Variants in GABBR2 observed in about 807,000 individuals in gnomAD.
GABBR2 encodes gamma-aminobutyric acid type B receptor subunit 2, also known as G-protein coupled receptor 51.
In GABBR2, 23 loss-of-function variants were observed where a neutral mutation model predicts 105.6. The ratio of observed to expected loss-of-function variants is 0.22; its 90% CI spans 0.16 to 0.31. The LOEUF (loss-of-function observed/expected upper bound fraction) is 0.31, where lower values mean the gene tolerates loss of function less well. Among genes scored for constraint, GABBR2 ranks in the 10% least tolerant of loss-of-function variants. The pLI is 1.00. For synonymous variants in GABBR2, 478 were observed against 499.7 expected (o/e 0.96, Z 0.58); for missense variants, 734 against 1,245.5 (o/e 0.59, Z 6.18).
chr9:98,699,850 G>A (rs1830805334), intron 1 of GABBR2, among the ~76,000 whole-genome samples: 1 of 152,204 alleles, frequency 6.6e-6, no homozygotes, highest in South Asian at 2.1e-4. Context: ...GCCTCACTGT[G>A]CACTGTTACA....
chr9:98,580,350 G>A (rs1262248085), intron 1 of GABBR2, among the ~76,000 whole-genome samples: 1 of 151,876 alleles, frequency 6.6e-6, no homozygotes, highest in Non-Finnish European at 1.5e-5. Context: ...AAAATTATCT[G>A]AAATCATCTT....
chr9:98,541,146 A>G (rs1828296253), intron 3 of GABBR2, among the ~76,000 whole-genome samples: 1 of 152,216 alleles, frequency 6.6e-6, no homozygotes, highest in Non-Finnish European at 1.5e-5. Context: ...CCTTTAAACC[A>G]TGAGGTTAAT....
intron 1 of GABBR2, among the ~76,000 whole-genome samples, chr9:98,579,689 A>C (rs1197367184): frequency 6.6e-6 from 1 of 152,222 alleles, no homozygotes; most frequent in Non-Finnish European, 1.5e-5. Context: ...TAATAAGGAG[A>C]TCTGCAGGAT....
chr9:98,309,278 GACA>G (rs1162141965), intron 14 of GABBR2, among the ~76,000 whole-genome samples: 5 of 152,208 alleles, frequency 3.3e-5, no homozygotes, highest in Admixed American at 3.3e-4. Flanking sequence ...GGTGGGAGAA[GACA>G]ATGAATGATC....
intron 7 of GABBR2, among the ~76,000 whole-genome samples, chr9:98,432,098 G>A (rs1460171720): frequency 2.0e-5 from 3 of 152,172 alleles, no homozygotes; most frequent in Non-Finnish European, 4.4e-5. Flanking sequence ...GTTTCACCAT[G>A]TTGGCCAGGC....
At chr9:98,332,709 C>T (rs535546377) in intron 13 of GABBR2, among the ~76,000 whole-genome samples, 16 of 152,312 alleles carry the variant, frequency 1.1e-4, no homozygotes, top group African/African-American at 3.8e-4. Context: ...TATGAACATG[C>T]AATCTCTCGT....
chr9:98,556,794 C>A (rs1325656939), intron 2 of GABBR2, among the ~76,000 whole-genome samples: 1 of 152,160 alleles, frequency 6.6e-6, no homozygotes, highest in African/African-American at 2.4e-5. Context: ...GCCTGAATCC[C>A]AGCACTTTGG....
chr9:98,330,232 G>A (rs1212039601), intron 13 of GABBR2, among the ~76,000 whole-genome samples: 1 of 152,074 alleles, frequency 6.6e-6, no homozygotes, highest in Non-Finnish European at 1.5e-5. Flanking sequence ...CTGGAATATC[G>A]ACTCCTTGAG....
In GABBR2 at chr9:98,359,191, G is replaced by T. The variant is rs1389437216; in HGVS notation, c.1893+3524C>A. Among the ~76,000 whole-genome samples, 3 of 152,296 alleles carry T rather than the reference G, an allele frequency of 2.0e-5. No individual in the cohort carries two copies. The South Asian group carries it at 6.2e-4, about 32-fold the overall frequency. On this transcript the variant is annotated intron_variant, in intron 13 of 18. Transcript: ENST00000259455. Reference sequence around the variant, plus strand: ...ACCTATAATCCCAGCACTTTGGGAGGCTGAGGCAGGTGGATCAATTGAGGC... The same window carrying T: ...ACCTATAATCCCAGCACTTTGGGAGTCTGAGGCAGGTGGATCAATTGAGGC...
intron 11 of GABBR2, among the ~76,000 whole-genome samples, chr9:98,380,347 T>G (rs1227589234): frequency 6.6e-6 from 1 of 152,240 alleles, no homozygotes; most frequent in Non-Finnish European, 1.5e-5. Context: ...CTCCTCATCC[T>G]GTCTGCAAAG....
At chr9:98,655,753 G>A (rs906184553) in intron 1 of GABBR2, among the ~76,000 whole-genome samples, 4 of 152,066 alleles carry the variant, frequency 2.6e-5, no homozygotes, top group African/African-American at 4.8e-5. Context: ...ACCAAACACC[G>A]CACGTTCTCA....
In GABBR2 at chr9:98,290,740, A is replaced by G. The variant is rs138830482; in HGVS notation, c.2670T>C (p.Arg890=). ...EDINSPEHIQ[R]RLSLQLPILH... ...GGATGGGGAGCTGGAGGGACAGCCGACGCTGGATGCTGAAGAGAAGGAGAG... is the reference window on the plus strand; with the variant it reads ...GGATGGGGAGCTGGAGGGACAGCCGGCGCTGGATGCTGAAGAGAAGGAGAG... The change falls in exon 19 of 19, where the codon CGT becomes CGC. Residue 890 remains arginine (R), a synonymous_variant. Coordinates refer to ENST00000259455, the MANE Select transcript of GABBR2 (RefSeq NM_005458.8). The G allele has an allele frequency of 6.1e-6, 9 of 1,484,900 alleles. No homozygotes were observed. Among genetic ancestry groups the G allele is most frequent in the Non-Finnish European group, 7.1e-6 (8 of 1,128,666 alleles). 92.0% of individuals were successfully genotyped at this position (1,484,900 alleles called of 1,614,324 possible).
rs181903147 is a variant in GABBR2 at position 98,380,834 on chromosome 9, T to C, written c.1662+4806A>G. 1.1e-4 allele frequency among the ~76,000 whole-genome samples: 16 copies of C among 152,280 alleles called. No homozygotes were observed. The East Asian group carries it at 3.1e-3, about 29-fold the overall frequency. ...CTCGTCCGAGCAGAGGTGTAGCCCC[T>C]AGAGAGGCCTAATCTTGTGACTGTC... On this transcript the variant is annotated intron_variant, in intron 11 of 18. Transcript: ENST00000259455.
chr9:98,323,516 G>A (rs1366159220), intron 13 of GABBR2, among the ~76,000 whole-genome samples: 1 of 152,210 alleles, frequency 6.6e-6, no homozygotes, highest in African/African-American at 2.4e-5. Context: ...TCTGGCCAAG[G>A]AGCCTCTCTG....
At chr9:98,507,234 T>C (rs1564096696) in intron 3 of GABBR2, among the ~76,000 whole-genome samples, 1 of 152,198 alleles carries the variant, frequency 6.6e-6, no homozygotes, top group Non-Finnish European at 1.5e-5. Context: ...AAGGGGACTT[T>C]GCAGACAGGA....
intron 1 of GABBR2, among the ~76,000 whole-genome samples, chr9:98,583,794 G>A (rs1829034177): frequency 6.6e-6 from 1 of 152,208 alleles, no homozygotes; most frequent in East Asian, 1.9e-4. Flanking sequence ...TTCCAGCTCA[G>A]GTGAAAGTCA....
At chr9:98,467,107 G>T (rs1455832382) in intron 6 of GABBR2, among the ~76,000 whole-genome samples, 1 of 152,180 alleles carries the variant, frequency 6.6e-6, no homozygotes, top group African/African-American at 2.4e-5. Flanking sequence ...GGCCAGACTT[G>T]CAATCCCGGC....
At chr9:98,594,480 G>T (rs1829201096) in intron 1 of GABBR2, among the ~76,000 whole-genome samples, 1 of 152,180 alleles carries the variant, frequency 6.6e-6, no homozygotes, top group Non-Finnish European at 1.5e-5. Context: ...GCCACCAAGT[G>T]CTGGGAGGGG....
intron 7 of GABBR2, among the ~76,000 whole-genome samples, chr9:98,444,556 T>C (rs1826086891): frequency 6.6e-6 from 1 of 152,146 alleles, no homozygotes; most frequent in Non-Finnish European, 1.5e-5. Flanking sequence ...ATAAATGTAA[T>C]TGCATTAAGG....
Sources: gnomAD v4.1 joint callset for allele counts (sites outside exome capture counted in the v4.1 genomes callset) on GRCh38, gnomAD v4.1.1 for gene constraint, MANE v1.5 for transcripts, NCBI Gene and HGNC (gene_info 2026-07-23, HGNC 2026-07-21) for gene names.